The following SNX24 variants were observed in gnomAD, a reference collection of about 807,000 sequenced individuals.
SNX24 encodes sorting nexin 24.
SNX24 carries 22 observed loss-of-function variants against 28.7 expected under a neutral mutation model. The observed-to-expected ratio is 0.77, with a 90% CI of 0.55 to 1.10. The LOEUF (loss-of-function observed/expected upper bound fraction) is 1.10. SNX24 is among the 50% of genes least tolerant of loss of function. SNX24 has a pLI of 0.00. For missense variants in SNX24, 221 were observed against 201.1 expected (o/e 1.10, Z -0.60); for synonymous variants, 69 against 71.5 (o/e 0.96, Z 0.18).
downstream of SNX24, among the ~76,000 whole-genome samples, chr5:123,013,716 A>G (rs187592910): frequency 7.1e-4 from 108 of 152,324 alleles, no homozygotes; most frequent in Middle Eastern, 6.8e-3. Flanking sequence ...CATTACACTT[A>G]ACAGTAGTTA....
At chr5:122,891,541 A>G (rs891388795) in intron 1 of SNX24, among the ~76,000 whole-genome samples, 9 of 152,086 alleles carry the variant, frequency 5.9e-5, no homozygotes, top group Admixed American at 2.6e-4. Flanking sequence ...GCAATTTTTT[A>G]TAAGTATTAT....
intron 1 of SNX24, among the ~76,000 whole-genome samples, chr5:122,921,844 A>G (rs535414028): frequency 7.9e-5 from 12 of 152,058 alleles, no homozygotes; most frequent in Non-Finnish European, 1.6e-4. Context: ...TTGCAAGTCA[A>G]CACCTTTTCT....
At chr5:122,868,572 C>T (rs1213672586) in intron 1 of SNX24, among the ~76,000 whole-genome samples, 2 of 152,178 alleles carry the variant, frequency 1.3e-5, no homozygotes, top group Non-Finnish European at 2.9e-5. Context: ...ACCATTGGAT[C>T]TGCTGGATCA....
Position 123,009,068 on chromosome 5 carries a change from G to C in SNX24, c.*1319G>C, listed in dbSNP as rs1025473968. ...CTTTTAAAATATTATGATAGATTCT[G>C]TACTACATGTGGGAAACAAGCAAGA... On this transcript the variant is annotated 3_prime_UTR_variant, in exon 7 of 7. Coordinates refer to ENST00000261369, the MANE Select transcript of SNX24 (RefSeq NM_014035.4). 1.7e-5 allele frequency: 17 copies of C among 985,310 alleles called. No homozygotes were observed. Among genetic ancestry groups the C allele is most frequent in the Middle Eastern group, 5.2e-4 (1 of 1,932 alleles). 61.0% of individuals were successfully genotyped at this position (985,310 alleles called of 1,614,324 possible). A position where few individuals can be genotyped will look rare whatever the true frequency, so the allele number is the denominator to read the frequency against.
At chr5:122,916,624 G>T (rs1157552756) in intron 1 of SNX24, among the ~76,000 whole-genome samples, 1 of 152,106 alleles carries the variant, frequency 6.6e-6, no homozygotes, top group African/African-American at 2.4e-5. Flanking sequence ...CCCAAATTCT[G>T]TGTTTGTTAC....
chr5:122,989,744 A>G (rs1036584818), intron 3 of SNX24, among the ~76,000 whole-genome samples: 1 of 152,222 alleles, frequency 6.6e-6, no homozygotes. Flanking sequence ...AGAAAAGGGT[A>G]TATTCATTCT....
In SNX24 at chr5:122,862,411, C is replaced by T. The variant is rs371363235; in HGVS notation, c.60+16718C>T. Among the ~76,000 whole-genome samples the T allele has an allele frequency of 5.0e-4, 76 of 151,914 alleles. 1 individual carries two copies. The East Asian group carries it at 5.8e-3, about 12-fold the overall frequency. ...CAGGCGGATCACGAGGTCAGGAGATCGAGACCATCCTGGCTAACAAGGTGA... is the reference window on the plus strand; with the variant it reads ...CAGGCGGATCACGAGGTCAGGAGATTGAGACCATCCTGGCTAACAAGGTGA... On this transcript the variant is annotated intron_variant, in intron 1 of 6. Coordinates refer to ENST00000261369, the MANE Select transcript of SNX24 (RefSeq NM_014035.4).
intron 1 of SNX24, among the ~76,000 whole-genome samples, chr5:122,930,918 A>T (rs1483230000): frequency 6.6e-6 from 1 of 152,230 alleles, no homozygotes; most frequent in Middle Eastern, 3.2e-3. Flanking sequence ...AATGACATAC[A>T]GCAGGTCCTT....
At chr5:123,023,772 TAA>T in intron 5 of SNX24, 688 of 1,007,432 alleles carry the variant, frequency 6.8e-4, no homozygotes, top group East Asian at 1.4e-3. Flanking sequence ...AAAAAGAAAG[TAA>T]AAAAAAAAAA....
Position 122,905,660 on chromosome 5 carries a change from A to G in SNX24, c.61-31074A>G, listed in dbSNP as rs60614777. On this transcript the variant is annotated intron_variant, in intron 1 of 6. Coordinates refer to ENST00000261369, the MANE Select transcript of SNX24 (RefSeq NM_014035.4). ...GATAAAGGATATTCAGCCTGTAATA[A>G]CCCTAGGAACACCTGATTGGAGATC... is the stretch of plus-strand genomic sequence containing the variant. 3.4e-3 allele frequency among the ~76,000 whole-genome samples: 516 copies of G among 152,298 alleles called. 3 individuals are homozygous for G. Among genetic ancestry groups the G allele is most frequent in the African/African-American group, 0.011 (467 of 41,554 alleles).
intron 3 of SNX24, among the ~76,000 whole-genome samples, chr5:122,969,654 T>G (rs919617802): frequency 6.6e-6 from 1 of 152,160 alleles, no homozygotes; most frequent in African/African-American, 2.4e-5. Flanking sequence ...CAGAGGATAT[T>G]CCACAGTATT....
chr5:122,958,529 C>T (rs1760319713), intron 3 of SNX24, among the ~76,000 whole-genome samples: 1 of 151,942 alleles, frequency 6.6e-6, no homozygotes, highest in African/African-American at 2.4e-5. Flanking sequence ...GCTGGGATTA[C>T]AGGCGTGTGA....
At chr5:122,934,811 T>C (rs1759113399) in intron 1 of SNX24, among the ~76,000 whole-genome samples, 1 of 152,182 alleles carries the variant, frequency 6.6e-6, no homozygotes, top group Admixed American at 6.5e-5. Context: ...TTATAAAATA[T>C]AAGAATTAAA....
chr5:122,985,064 G>A lies in SNX24; in HGVS notation c.250-14848G>A, dbSNP rs945523787. ...TAGCAGAGTCCATTTGATACAAAGC[G>A]AGAGCATTACTGTTCTGTTTGGATT... On this transcript the variant is annotated intron_variant, in intron 3 of 6. Coordinates refer to ENST00000261369, the MANE Select transcript of SNX24 (RefSeq NM_014035.4). Among the ~76,000 whole-genome samples the A allele has an allele frequency of 4.6e-5, 7 of 152,336 alleles. 1 individual carries two copies. Among genetic ancestry groups the A allele is most frequent in the Non-Finnish European group, 7.3e-5 (5 of 68,030 alleles).
intron 3 of SNX24, among the ~76,000 whole-genome samples, chr5:122,959,246 A>G (rs1760365498): frequency 6.7e-6 from 1 of 150,238 alleles, no homozygotes; most frequent in Admixed American, 6.6e-5. Flanking sequence ...AGAATGGGCA[A>G]ATTCTCATTT....
At chr5:122,952,598 A>G (rs1759998773) in intron 3 of SNX24, among the ~76,000 whole-genome samples, 1 of 152,374 alleles carries the variant, frequency 6.6e-6, no homozygotes, top group Admixed American at 6.5e-5. Flanking sequence ...GATGATAATC[A>G]GGCATTTGAA....
At chr5:122,900,367 G>A (rs774599637) in intron 1 of SNX24, among the ~76,000 whole-genome samples, 3 of 151,922 alleles carry the variant, frequency 2.0e-5, no homozygotes, top group Admixed American at 1.3e-4. Flanking sequence ...CTATTAAAAC[G>A]TTTTTTTTAA....
intron 1 of SNX24, among the ~76,000 whole-genome samples, chr5:122,932,709 A>T (rs570926851): frequency 7.2e-5 from 11 of 152,216 alleles, no homozygotes; most frequent in African/African-American, 2.4e-4. Context: ...ATACAAAAAA[A>T]TTAGCTGGGC....
rs371082960 is a variant in SNX24, at chr5:122,993,041, C to T, written c.250-6871C>T. Among the ~76,000 whole-genome samples the T allele has an allele frequency of 1.1e-4, 17 of 151,576 alleles. 2 individuals are homozygous for T. The highest frequency in any genetic ancestry group is 3.9e-4 in the East Asian group (2 of 5,158). On this transcript the variant is annotated intron_variant, in intron 3 of 6. Coordinates refer to ENST00000261369, the MANE Select transcript of SNX24 (RefSeq NM_014035.4). ...AGATTCATTATTATTTTAAATGGGC[C>T]CTTTTCGGCATTCAGCGTTTAGTGC... is the stretch of plus-strand genomic sequence containing the variant.
Sources: gnomAD v4.1 joint callset for allele counts (sites outside exome capture counted in the v4.1 genomes callset) on GRCh38, gnomAD v4.1.1 for gene constraint, MANE v1.5 for transcripts, NCBI Gene and HGNC (gene_info 2026-07-23, HGNC 2026-07-21) for gene names.